The following ZBTB20 variants were observed in gnomAD, a reference collection of about 807,000 sequenced individuals.
ZBTB20 encodes the protein zinc finger and BTB domain containing 20.
Under a neutral mutation model 56.9 loss-of-function variants are expected in ZBTB20, and 9 were observed. The ratio of observed to expected loss-of-function variants is 0.16; its 90% confidence interval spans 0.10 to 0.28. The LOEUF (loss-of-function observed/expected upper bound fraction) is 0.28. ZBTB20 is among the 10% of genes least tolerant of loss of function. The pLI is 1.00. For missense variants in ZBTB20, 655 were observed against 1,003.0 expected (o/e 0.65, Z 4.69); for synonymous variants, 417 against 420.7 (o/e 0.99, Z 0.11).
At chr3:114,769,677 T>C (rs2069056671) in intron 5 of ZBTB20, among the ~76,000 whole-genome samples, 1 of 151,044 alleles carries the variant, frequency 6.6e-6, no homozygotes, top group Admixed American at 6.6e-5. Flanking sequence ...ACTATTATTC[T>C]AAGTGAAGTA....
At chr3:114,803,047 C>T (rs186538007) in intron 4 of ZBTB20, among the ~76,000 whole-genome samples, 5 of 151,502 alleles carry the variant, frequency 3.3e-5, no homozygotes, top group African/African-American at 1.2e-4. Flanking sequence ...CCCCCCATGC[C>T]ATTTCTCCTT....
chr3:114,866,293 T>G (rs1161723636), intron 4 of ZBTB20, among the ~76,000 whole-genome samples: 1 of 152,168 alleles, frequency 6.6e-6, no homozygotes, highest in African/African-American at 2.4e-5. Flanking sequence ...AAACTAAGGT[T>G]GAGTAATTTG....
At chr3:114,522,152 G>A (rs1359515223) in intron 6 of ZBTB20, among the ~76,000 whole-genome samples, 1 of 152,134 alleles carries the variant, frequency 6.6e-6, no homozygotes, top group Non-Finnish European at 1.5e-5. Context: ...TGAACCAAAA[G>A]GGGTGGAAAG....
At chr3:114,660,003 AT>A (rs1170241004) in intron 6 of ZBTB20, among the ~76,000 whole-genome samples, 1 of 151,960 alleles carries the variant, frequency 6.6e-6, no homozygotes. Flanking sequence ...TTTTTTAAAA[AT>A]TCTAGTTCCA....
intron 2 of ZBTB20, among the ~76,000 whole-genome samples, chr3:115,057,273 CTT>C (rs34706173): frequency 7.9e-5 from 12 of 151,180 alleles, no homozygotes; most frequent in East Asian, 7.8e-4. Context: ...TTTTTTTTCT[CTT>C]TGTCTGCCTT....
At chr3:114,695,077 A>T (rs2062924173) in intron 5 of ZBTB20, among the ~76,000 whole-genome samples, 1 of 152,182 alleles carries the variant, frequency 6.6e-6, no homozygotes, top group African/African-American at 2.4e-5. Flanking sequence ...TGCCAGACAC[A>T]ACTGGATGGA....
chr3:114,625,322 A>G (rs1463611248), intron 6 of ZBTB20, among the ~76,000 whole-genome samples: 1 of 152,186 alleles, frequency 6.6e-6, no homozygotes, highest in Non-Finnish European at 1.5e-5. Flanking sequence ...AGGATAAAAG[A>G]TGCTCATTAA....
intron 3 of ZBTB20, among the ~76,000 whole-genome samples, chr3:114,923,540 T>C (rs1197723190): frequency 6.6e-6 from 1 of 152,172 alleles, no homozygotes; most frequent in Admixed American, 6.5e-5. Flanking sequence ...TAAGACTGGA[T>C]CCTTGTCTTG....
At chr3:114,966,927 T>C (rs1346684525) in intron 3 of ZBTB20, among the ~76,000 whole-genome samples, 1 of 152,172 alleles carries the variant, frequency 6.6e-6, no homozygotes, top group Non-Finnish European at 1.5e-5. Flanking sequence ...ATACTATCTA[T>C]TCTATAAGAA....
At chr3:114,967,160 A>G (rs113411126) in intron 3 of ZBTB20, among the ~76,000 whole-genome samples, 4 of 152,284 alleles carry the variant, frequency 2.6e-5, no homozygotes, top group African/African-American at 7.2e-5. Context: ...TTTAGATTTA[A>G]TTTTGTGAAT....
At chr3:114,737,637 A>G (rs1418609597) in intron 5 of ZBTB20, among the ~76,000 whole-genome samples, 1 of 152,182 alleles carries the variant, frequency 6.6e-6, no homozygotes, top group East Asian at 1.9e-4. Flanking sequence ...TTTTTTTCAG[A>G]ATTTTTGTTT....
intron 6 of ZBTB20, among the ~76,000 whole-genome samples, chr3:114,531,882 C>T (rs989617528): frequency 1.3e-5 from 2 of 152,064 alleles, no homozygotes; most frequent in Admixed American, 6.6e-5. Flanking sequence ...AGGAAGCACA[C>T]AGGGTTGGGG....
intron 5 of ZBTB20, among the ~76,000 whole-genome samples, chr3:114,746,374 T>G (rs2067045805): frequency 6.6e-6 from 1 of 152,124 alleles, no homozygotes; most frequent in African/African-American, 2.4e-5. Flanking sequence ...TTGTTTGTTT[T>G]TTGTTTTTGT....
chr3:114,394,208 T>C (rs1432764802), intron 7 of ZBTB20, among the ~76,000 whole-genome samples: 1 of 152,200 alleles, frequency 6.6e-6, no homozygotes, highest in Admixed American at 6.5e-5. Context: ...GTGTATGTTT[T>C]AGTATACCCA....
At chr3:114,884,282 C>G (rs1430390495) in intron 4 of ZBTB20, among the ~76,000 whole-genome samples, 1 of 152,036 alleles carries the variant, frequency 6.6e-6, no homozygotes, top group Non-Finnish European at 1.5e-5. Context: ...TGGCTAAAGC[C>G]TACTAAAAAG....
intron 3 of ZBTB20, among the ~76,000 whole-genome samples, chr3:114,968,706 T>C (rs997675186): frequency 2.6e-5 from 4 of 152,230 alleles, no homozygotes; most frequent in Admixed American, 2.6e-4. Context: ...CTCTGGGCTA[T>C]TGATAAATAA....
At chr3:114,977,532 G>A (rs966940506) in intron 2 of ZBTB20, among the ~76,000 whole-genome samples, 54 of 152,066 alleles carry the variant, frequency 3.6e-4, no homozygotes, top group African/African-American at 1.2e-3. Flanking sequence ...ACTTAGGTAT[G>A]GGGTAAATGT....
intron 6 of ZBTB20, among the ~76,000 whole-genome samples, chr3:114,521,612 C>T (rs995160790): frequency 6.6e-6 from 1 of 152,088 alleles, no homozygotes; most frequent in Admixed American, 6.6e-5. Flanking sequence ...TGCGACAGTA[C>T]ATTGTACTAT....
chr3:114,415,909 C>A (rs1209682218), intron 7 of ZBTB20, among the ~76,000 whole-genome samples: 1 of 152,086 alleles, frequency 6.6e-6, no homozygotes, highest in African/African-American at 2.4e-5. Context: ...AAAGAGATAA[C>A]CAATCCTGAG....
Sources: gnomAD v4.1 joint callset for allele counts (sites outside exome capture counted in the v4.1 genomes callset) on GRCh38, gnomAD v4.1.1 for gene constraint, MANE v1.5 for transcripts, NCBI Gene and HGNC (gene_info 2026-07-23, HGNC 2026-07-21) for gene names.